PRR16: variants seen among roughly 807,000 people sequenced by gnomAD.
PRR16 encodes the protein proline rich 16, also known as protein Largen.
A neutral mutation model predicts 18.2 loss-of-function variants in PRR16; 6 were observed. That is an observed-to-expected ratio of 0.33 (90% CI 0.18 to 0.65). The LOEUF (loss-of-function observed/expected upper bound fraction) is 0.65, where lower values mean the gene tolerates loss of function less well. Among genes scored for constraint, PRR16 ranks in the 30% least tolerant of loss-of-function variants. PRR16 has a pLI of 0.74. For synonymous variants in PRR16, 151 were observed against 147.8 expected, an observed-to-expected ratio of 1.02 and a Z score of -0.16; for missense variants, 412 against 376.6, an observed-to-expected ratio of 1.09 and a Z score of -0.78.
the PRR16 span, among the ~76,000 whole-genome samples, chr5:120,699,710 G>T: frequency 2.0e-5 from 3 of 152,242 alleles, no homozygotes; most frequent in East Asian, 3.9e-4. Flanking sequence ...AAAACAGTAA[G>T]GTCAAGTTGG....
the PRR16 span, among the ~76,000 whole-genome samples, chr5:120,770,653 A>C: frequency 2.0e-5 from 3 of 152,024 alleles, no homozygotes; most frequent in Admixed American, 6.6e-5. Context: ...AATGAGAGAA[A>C]ATACTTGCAA....
At chr5:120,468,534 G>A in intron 1 of PRR16, among the ~76,000 whole-genome samples, 1 of 152,112 alleles carries the variant, frequency 6.6e-6, no homozygotes, top group Non-Finnish European at 1.5e-5. Flanking sequence ...ACCATAACTG[G>A]TAGAGTAGGT....
chr5:120,468,819 C>A (rs894229450), intron 1 of PRR16, among the ~76,000 whole-genome samples: 5 of 152,126 alleles, frequency 3.3e-5, no homozygotes, highest in African/African-American at 1.2e-4. Flanking sequence ...CTTGTTATAA[C>A]CTTGAGCTTT....
intron 1 of PRR16, among the ~76,000 whole-genome samples, chr5:120,670,330 T>C (rs1756555723): frequency 6.6e-6 from 1 of 152,160 alleles, no homozygotes; most frequent in Non-Finnish European, 1.5e-5. Context: ...AAAAAGTGAA[T>C]GTTGAAGTCT....
At chr5:120,735,266 C>T in the PRR16 span, among the ~76,000 whole-genome samples, 18 of 152,098 alleles carry the variant, frequency 1.2e-4, no homozygotes, top group Non-Finnish European at 2.2e-4. Flanking sequence ...GATCTGTAGG[C>T]GGACATGTGT....
intron 1 of PRR16, among the ~76,000 whole-genome samples, chr5:120,527,247 C>T (rs1330341300): frequency 6.6e-6 from 1 of 152,106 alleles, no homozygotes. Flanking sequence ...TAATTGAGTC[C>T]AACTTTTTGT....
intron 1 of PRR16, among the ~76,000 whole-genome samples, chr5:120,487,210 G>A (rs1448302130): frequency 2.0e-5 from 3 of 152,130 alleles, no homozygotes; most frequent in African/African-American, 7.2e-5. Flanking sequence ...TGATAGGGAT[G>A]GCATTGAATC....
At chr5:120,530,274 TATATATA>T (rs1561533105) in intron 1 of PRR16, among the ~76,000 whole-genome samples, 10 of 125,522 alleles carry the variant, frequency 8.0e-5, no homozygotes, top group East Asian at 2.0e-4. Context: ...TATATATATA[TATATATA>T]TATTTATTTA....
the PRR16 span, among the ~76,000 whole-genome samples, chr5:120,730,100 T>C: frequency 1.3e-5 from 2 of 152,200 alleles, no homozygotes; most frequent in Admixed American, 6.5e-5. Context: ...TTTTGAGCTT[T>C]TCTGTATGCT....
At chr5:120,616,132 C>T (rs1052816659) in intron 1 of PRR16, among the ~76,000 whole-genome samples, 11 of 152,100 alleles carry the variant, frequency 7.2e-5, no homozygotes, top group African/African-American at 1.2e-4. Context: ...ACTGACACAG[C>T]GTAGTGCTCT....
At chr5:120,677,910 T>C (rs575734431) in intron 1 of PRR16, among the ~76,000 whole-genome samples, 131 of 117,040 alleles carry the variant, frequency 1.1e-3, no homozygotes, top group East Asian at 2.5e-3. Context: ...TCTTTCTTTT[T>C]TTTTTTTTTT....
At chr5:120,736,390 G>T in the PRR16 span, among the ~76,000 whole-genome samples, 1 of 151,948 alleles carries the variant, frequency 6.6e-6, no homozygotes, top group Non-Finnish European at 1.5e-5. Flanking sequence ...TCAGCCTCCC[G>T]AGTAGCTGAA....
rs760368454 is a variant in PRR16, at chr5:120,686,258, G to A, written c.464G>A (p.Arg155Gln). Residue 155 changes from arginine (R) to glutamine (Q), a missense_variant, in exon 2 of 2, where the codon CGA (arginine) becomes CAA (glutamine). Transcript: ENST00000407149. The stretch of plus-strand genomic sequence containing the variant: ...GTAAAAACCAATGGCACCCTTCTAC[G>A]AAATGGAGGCTTACCAGGTGGACCT... ...NPVKTNGTLL[R>Q]NGGLPGGPNK... The A allele has an allele frequency of 9.9e-6, 16 of 1,614,022 alleles. No individual in the cohort carries two copies. The African/African-American group carries it at 1.3e-4, about 13-fold the overall frequency.
intron 1 of PRR16, among the ~76,000 whole-genome samples, chr5:120,531,274 G>A (rs189671206): frequency 6.8e-4 from 103 of 152,162 alleles, no homozygotes; most frequent in African/African-American, 2.4e-3. Flanking sequence ...CTTTTTAGTG[G>A]TGGTAGTTTG....
intron 1 of PRR16, among the ~76,000 whole-genome samples, chr5:120,539,475 T>C (rs1561537216): frequency 1.3e-5 from 2 of 152,248 alleles, no homozygotes; most frequent in South Asian, 4.1e-4. Context: ...AGCCATCTAA[T>C]ACTTTAGTGG....
the PRR16 span, among the ~76,000 whole-genome samples, chr5:120,709,467 A>C: frequency 6.6e-6 from 1 of 152,146 alleles, no homozygotes; most frequent in Non-Finnish European, 1.5e-5. Flanking sequence ...CATCATCTCA[A>C]ATATTTATCA....
At chr5:120,771,373 G>A in the PRR16 span, among the ~76,000 whole-genome samples, 1 of 151,992 alleles carries the variant, frequency 6.6e-6, no homozygotes, top group Admixed American at 6.6e-5. Context: ...ACCATGACCA[G>A]GTATGAGCCA....
rs573158564 is a variant in PRR16 at position 120,586,565 on chromosome 5, A to G, written c.160-99389A>G. On this transcript the variant is annotated intron_variant, in intron 1 of 1. Coordinates refer to ENST00000407149, the MANE Select transcript of PRR16 (RefSeq NM_001300783.2). Reference sequence around the variant, plus strand: ...CCCTACAATAATAATAATCATTATTATTACATCAGTTATGGTGATCTGTGA... The same window carrying G: ...CCCTACAATAATAATAATCATTATTGTTACATCAGTTATGGTGATCTGTGA... Among the ~76,000 whole-genome samples, 14 of 152,084 alleles carry G rather than the reference A, an allele frequency of 9.2e-5. No homozygotes were observed. In the South Asian group the frequency reaches 1.9e-3, roughly 20 times the overall value.
At chr5:120,692,730 C>T in the PRR16 span, among the ~76,000 whole-genome samples, 1 of 152,164 alleles carries the variant, frequency 6.6e-6, no homozygotes, top group African/African-American at 2.4e-5. Context: ...CTTAACCTCA[C>T]CATAAACTAG....
Sources: gnomAD v4.1 joint callset for allele counts (sites outside exome capture counted in the v4.1 genomes callset) on GRCh38, gnomAD v4.1.1 for gene constraint, MANE v1.5 for transcripts, NCBI Gene and HGNC (gene_info 2026-07-23, HGNC 2026-07-21) for gene names.